Variants in BCKDHB observed in about 807,000 individuals in gnomAD.
BCKDHB encodes 2-oxoisovalerate dehydrogenase subunit beta, mitochondrial.
In BCKDHB, 41 loss-of-function variants were observed where a neutral mutation model predicts 48.5. The ratio of observed to expected loss-of-function variants is 0.85; its 90% confidence interval spans 0.66 to 1.10. The LOEUF is 1.10. Among genes scored for constraint, BCKDHB ranks in the 50% least tolerant of loss-of-function variants. The pLI, the probability that BCKDHB is intolerant of heterozygous loss-of-function variation, is 0.00. For synonymous variants in BCKDHB, 201 were observed against 174.8 expected (o/e 1.15, Z -1.18); for missense variants, 496 against 494.2 (o/e 1.00, Z -0.03).
intron 8 of BCKDHB, among the ~76,000 whole-genome samples, chr6:80,225,276 G>A (rs1271057581): frequency 6.6e-6 from 1 of 152,112 alleles, no homozygotes; most frequent in African/African-American, 2.4e-5. Flanking sequence ...GCCTAGTAGA[G>A]CTGTTTTCCT....
the BCKDHB span, among the ~76,000 whole-genome samples, chr6:80,353,514 T>C: frequency 6.7e-6 from 1 of 149,936 alleles, no homozygotes; most frequent in Non-Finnish European, 1.5e-5. Context: ...AGGATTCTTT[T>C]TTCTCTTCAT....
the BCKDHB span, among the ~76,000 whole-genome samples, chr6:80,397,771 T>G: frequency 6.6e-6 from 1 of 152,090 alleles, no homozygotes; most frequent in Middle Eastern, 3.4e-3. Context: ...TCCCAGTTAC[T>G]CAGGAGGCTG....
chr6:80,142,119 T>C (rs1582221863), intron 3 of BCKDHB, among the ~76,000 whole-genome samples: 1 of 152,140 alleles, frequency 6.6e-6, no homozygotes, highest in African/African-American at 2.4e-5. Context: ...GATTCAGATA[T>C]AATTTTTGGA....
chr6:80,283,455 G>A (rs1766468424), intron 9 of BCKDHB, among the ~76,000 whole-genome samples: 1 of 152,012 alleles, frequency 6.6e-6, no homozygotes, highest in African/African-American at 2.4e-5. Context: ...GAATTCAAAG[G>A]TGCATTCATA....
chr6:80,211,211 C>T (rs1390270455), intron 8 of BCKDHB, among the ~76,000 whole-genome samples: 2 of 152,156 alleles, frequency 1.3e-5, no homozygotes, highest in Non-Finnish European at 2.9e-5. Context: ...AAAAAACTGA[C>T]ACTTATAATT....
At chr6:80,437,309 A>G in the BCKDHB span, among the ~76,000 whole-genome samples, 2 of 152,238 alleles carry the variant, frequency 1.3e-5, no homozygotes, top group African/African-American at 4.8e-5. Context: ...TCAGAGCATT[A>G]TCATTCATCT....
intron 8 of BCKDHB, among the ~76,000 whole-genome samples, chr6:80,214,634 G>C (rs1175348140): frequency 2.0e-5 from 3 of 152,170 alleles, no homozygotes; most frequent in African/African-American, 7.2e-5. Context: ...CTTAGGCCAA[G>C]TTTCATGGTT....
At chr6:80,390,506 T>A in the BCKDHB span, among the ~76,000 whole-genome samples, 1 of 152,228 alleles carries the variant, frequency 6.6e-6, no homozygotes, top group African/African-American at 2.4e-5. Context: ...ATGTATACAC[T>A]TGTGCTAAGA....
chr6:80,139,015 T>A (rs1449392404), intron 3 of BCKDHB, among the ~76,000 whole-genome samples: 4 of 152,210 alleles, frequency 2.6e-5, no homozygotes, highest in Non-Finnish European at 5.9e-5. Context: ...TGAGATGATA[T>A]CTCATTGTGG....
intron 9 of BCKDHB, among the ~76,000 whole-genome samples, chr6:80,297,246 T>C (rs1402792755): frequency 6.6e-6 from 1 of 152,200 alleles, no homozygotes. Flanking sequence ...AAACCTAATA[T>C]CTGACCTGCC....
intron 3 of BCKDHB, among the ~76,000 whole-genome samples, chr6:80,163,311 C>CTTTTTTTT (rs34383985): frequency 5.1e-5 from 7 of 138,098 alleles, no homozygotes; most frequent in African/African-American, 5.5e-5. Context: ...TGCAATTAAG[C>CTTTTTTTT]TTTTTTTTTT....
intron 8 of BCKDHB, among the ~76,000 whole-genome samples, chr6:80,235,523 G>A (rs1776113285): frequency 6.6e-6 from 1 of 152,124 alleles, no homozygotes; most frequent in South Asian, 2.1e-4. Flanking sequence ...CAAAGTAGAA[G>A]AGATTATTTT....
intron 6 of BCKDHB, among the ~76,000 whole-genome samples, chr6:80,195,131 G>A (rs964937686): frequency 6.6e-6 from 1 of 151,896 alleles, no homozygotes; most frequent in Non-Finnish European, 1.5e-5. Flanking sequence ...TAATTAGATG[G>A]TATCTTCTTG....
chr6:80,303,225 A>T (rs534458880), intron 9 of BCKDHB, among the ~76,000 whole-genome samples: 60 of 152,232 alleles, frequency 3.9e-4, no homozygotes, highest in African/African-American at 1.4e-3. Context: ...CTTAAGTTCT[A>T]GGAAGCGGAT....
At chr6:80,326,109 A>C (rs1334749677) in intron 9 of BCKDHB, among the ~76,000 whole-genome samples, 2 of 152,204 alleles carry the variant, frequency 1.3e-5, no homozygotes, top group Non-Finnish European at 2.9e-5. Context: ...TAATAATATT[A>C]ACAATGGTGG....
chr6:80,382,596 C>T, the BCKDHB span, among the ~76,000 whole-genome samples: 1 of 152,044 alleles, frequency 6.6e-6, no homozygotes, highest in African/African-American at 2.4e-5. Flanking sequence ...CTATAACTAC[C>T]CTAATGTTTA....
At chr6:80,299,519 T>C (rs1767458236) in intron 9 of BCKDHB, among the ~76,000 whole-genome samples, 1 of 152,156 alleles carries the variant, frequency 6.6e-6, no homozygotes, top group South Asian at 2.1e-4. Flanking sequence ...AGAAAGAATT[T>C]GAGGTGAGTC....
chr6:80,426,877 T>C, the BCKDHB span, among the ~76,000 whole-genome samples: 2 of 152,118 alleles, frequency 1.3e-5, no homozygotes, highest in East Asian at 3.9e-4. Flanking sequence ...AACCTATTGA[T>C]TTTCTGTATG....
intron 1 of BCKDHB, among the ~76,000 whole-genome samples, chr6:80,107,528 T>TATATATGC (rs1562050568): frequency 2.6e-5 from 3 of 113,894 alleles, no homozygotes; most frequent in East Asian, 5.6e-4. Flanking sequence ...TATATATATA[T>TATATATGC]GCATATATAT....
Sources: gnomAD v4.1 joint callset for allele counts (sites outside exome capture counted in the v4.1 genomes callset) on GRCh38, gnomAD v4.1.1 for gene constraint, MANE v1.5 for transcripts, NCBI Gene and HGNC (gene_info 2026-07-23, HGNC 2026-07-21) for gene names.